The following HAUS3 variants were observed in gnomAD, a reference collection of about 807,000 sequenced individuals.
HAUS3 encodes HAUS augmin-like complex subunit 3.
Under a neutral mutation model 55.2 loss-of-function variants are expected in HAUS3, and 36 were observed. The observed-to-expected ratio is 0.65, with a 90% confidence interval of 0.50 to 0.86. HAUS3 has a LOEUF of 0.86. HAUS3 is among the 40% of genes least tolerant of loss of function. The pLI, the probability that HAUS3 is intolerant of heterozygous loss-of-function variation, is 0.00. For synonymous variants in HAUS3, 234 were observed against 238.6 expected, an observed-to-expected ratio of 0.98 and a Z score of 0.18; for missense variants, 752 against 671.5, an observed-to-expected ratio of 1.12 and a Z score of -1.33.
At position 2,240,135 on chromosome 4, in the gene HAUS3, CA is replaced by C. The variant is rs537016492; in HGVS notation, c.811del (p.Cys271ValfsTer6). 8.3e-4 allele frequency: 1,335 copies of C among 1,613,810 alleles called. No homozygotes were observed. The highest frequency in any genetic ancestry group is 1.1e-3 in the Non-Finnish European group (1,298 of 1,179,826). On this transcript the variant is annotated frameshift_variant, in exon 3 of 6. Transcript: ENST00000443786. LOFTEE classifies it high-confidence loss of function. Reference sequence around the variant, plus strand: ...TAAGTGAATTAACTGATGTTGAGCACAAATGTATGCGAGCTGCAGTCTAGCC... The same window carrying C: ...TAAGTGAATTAACTGATGTTGAGCACAATGTATGCGAGCTGCAGTCTAGCC... ...EMARLQLAYI[C>X]AQHQLIHLKA...
In HAUS3 at chr4:2,229,484, A is replaced by G. The variant is rs566054209; in HGVS notation, c.*2443T>C. ...AACTTATTTTCTAGGTGACCAATTT[A>G]GAAGCAATCTACTCAAATACATCCT... is the stretch of plus-strand genomic sequence containing the variant. On this transcript the variant is annotated 3_prime_UTR_variant, in exon 6 of 6. Coordinates refer to ENST00000443786, the MANE Select transcript of HAUS3 (RefSeq NM_001303143.2). 6.5e-4 allele frequency: 206 copies of G among 315,916 alleles called. 1 individual carries two copies. Among genetic ancestry groups the G allele is most frequent in the Middle Eastern group, 1.8e-3 (2 of 1,112 alleles). 19.6% of individuals were successfully genotyped at this position (315,916 alleles called of 1,614,324 possible). A position where few individuals can be genotyped will look rare whatever the true frequency, so the allele number is the denominator to read the frequency against.
In HAUS3 at chr4:2,236,372, C is replaced by G. The variant is rs559315835; in HGVS notation, c.1434G>C (p.Leu478Phe). The change falls in exon 5 of 6, where the codon TTG (leucine) becomes TTC (phenylalanine). Residue 478 changes from leucine to phenylalanine, a missense_variant. Leu to Phe is a conservative substitution (Grantham distance 22). Coordinates refer to ENST00000443786, the MANE Select transcript of HAUS3 (RefSeq NM_001303143.2). ...HGNLEEVAEK[L>F]KQNISLVQDQ... ...CTTGTACTAAAGAAATATTCTGTTT[C>G]AATTTCTCAGCCACTTCCTCAAGGT... is the stretch of plus-strand genomic sequence containing the variant. 1.3e-5 allele frequency: 21 copies of G among 1,613,166 alleles called. No individual in the cohort carries two copies. The highest frequency in any genetic ancestry group is 1.8e-5 in the Non-Finnish European group (21 of 1,179,336).
Position 2,236,250 on chromosome 4 carries a change from T to A in HAUS3, c.1556A>T (p.Asn519Ile), listed in dbSNP as rs1455357880. 1 of 1,611,654 alleles carries A rather than the reference T, an allele frequency of 6.2e-7. No homozygotes were observed. Among genetic ancestry groups the A allele is most frequent in the East Asian group, 2.2e-5 (1 of 44,830 alleles). Residue 519 changes from asparagine to isoleucine, a missense_variant, in exon 5 of 6, where the codon AAT becomes ATT. Physicochemically the swap from Asn to Ile is moderately radical, Grantham distance 149. Coordinates refer to ENST00000443786, the MANE Select transcript of HAUS3 (RefSeq NM_001303143.2). ...MLCDTLYQGGNQLLLSDQELT... is the reference protein window; with the variant it reads ...MLCDTLYQGGIQLLLSDQELT... ...CACCTGATCACTAAGCAAAAGCTGATTTCCTCCTTGATACAAAGTATCACA... is the reference window on the plus strand; with the variant it reads ...CACCTGATCACTAAGCAAAAGCTGAATTCCTCCTTGATACAAAGTATCACA...
At position 2,238,673 on chromosome 4, in the gene HAUS3, G is replaced by A; in HGVS notation, c.1280C>T (p.Thr427Ile). The part of the protein sequence containing the change: ...MMLYKQLEML[T>I]DPSVSQQINP... ...TATCTGTTGAGAAACTGATGGATCT[G>A]TTAACATTTCTAATTGCTTGTAGAG... The change falls in exon 4 of 6, where the codon ACA (threonine) becomes ATA (isoleucine). Residue 427 changes from threonine (T) to isoleucine (I), a missense_variant. Physicochemically the swap from Thr to Ile is moderately conservative, Grantham distance 89. Transcript: ENST00000443786. 1.2e-6 allele frequency: 2 copies of A among 1,613,142 alleles called. No homozygotes were observed. Among genetic ancestry groups the A allele is most frequent in the Non-Finnish European group, 1.7e-6 (2 of 1,179,278 alleles).
Position 2,241,560 on chromosome 4 carries a change from C to T in HAUS3, c.-188G>A. The T allele has an allele frequency of 1.0e-6, 1 of 985,872 alleles. No individual in the cohort carries two copies. Among genetic ancestry groups the T allele is most frequent in the Non-Finnish European group, 1.2e-6 (1 of 830,272 alleles). 61.1% of individuals were successfully genotyped at this position (985,872 alleles called of 1,614,324 possible). ...GGCAAGGCTCCACCTCCAGAGTCCACCACCGCGACGCGGAGAACAGCAGGA... is the reference window on the plus strand; with the variant it reads ...GGCAAGGCTCCACCTCCAGAGTCCATCACCGCGACGCGGAGAACAGCAGGA... On this transcript the variant is annotated 5_prime_UTR_variant, in exon 2 of 6. It adds an upstream start codon to the 5' untranslated region. Transcript: ENST00000443786.
At chr4:2,233,708 C>G (rs900810768) in intron 5 of HAUS3, among the ~76,000 whole-genome samples, 2 of 152,152 alleles carry the variant, frequency 1.3e-5, no homozygotes, top group Non-Finnish European at 2.9e-5. Context: ...AAATCTATGT[C>G]TACCTACATC....
At chr4:2,236,596 C>A (rs554705755) in intron 4 of HAUS3, 140 bp from the exon 5 acceptor site, 1 of 634,778 alleles carries the variant, frequency 1.6e-6, no homozygotes, top group Non-Finnish European at 2.7e-6. Flanking sequence ...CAGTAGCTCA[C>A]GCCTGTAATC....
At position 2,229,961 on chromosome 4, in the gene HAUS3, T is replaced by G. The variant is rs1219104249; in HGVS notation, c.*1966A>C. ...GCCTTGATCTGCCCTGCTGGCCCCC[T>G]GGGCTGAGCAAGTCAAGGTTTGGGT... On this transcript the variant is annotated 3_prime_UTR_variant, in exon 6 of 6. Transcript: ENST00000443786. The G allele has an allele frequency of 6.6e-6, 1 of 152,206 alleles. No homozygotes were observed. Among genetic ancestry groups the G allele is most frequent in the Non-Finnish European group, 1.5e-5 (1 of 68,102 alleles). The allele number at this position is 152,206 out of a possible 1,614,324, so 9.4% of individuals were successfully genotyped here. A position where few individuals can be genotyped will look rare whatever the true frequency, so the allele number is the denominator to read the frequency against.
intron 4 of HAUS3, among the ~76,000 whole-genome samples, chr4:2,237,425 G>T (rs548296212): frequency 6.6e-6 from 1 of 151,520 alleles, no homozygotes; most frequent in Admixed American, 6.6e-5. Flanking sequence ...AAGAGAGTGA[G>T]ACCTTGTCTT....
chr4:2,236,166 A>G, intron 5 of HAUS3, 62 bp downstream of exon 5: 1 of 951,350 alleles, frequency 1.1e-6, no homozygotes. Flanking sequence ...CATTTTCTTT[A>G]ATATCTTTTA....
In HAUS3 at chr4:2,230,688, C is replaced by G. The variant is rs1734549549; in HGVS notation, c.*1239G>C. 1 of 151,778 alleles carries G rather than the reference C, an allele frequency of 6.6e-6. No individual in the cohort carries two copies. Among genetic ancestry groups the G allele is most frequent in the Non-Finnish European group, 1.5e-5 (1 of 68,002 alleles). 9.4% of individuals were successfully genotyped at this position (151,778 alleles called of 1,614,324 possible). A position where few individuals can be genotyped will look rare whatever the true frequency, so the allele number is the denominator to read the frequency against. ...TTATAGCTAAAAAATTCCATAAAGA[C>G]CACCCAAAACATGTAGTTTTTAGAT... On this transcript the variant is annotated 3_prime_UTR_variant, in exon 6 of 6. Transcript: ENST00000443786.
chr4:2,241,052 A>G lies in HAUS3; in HGVS notation c.-106T>C, dbSNP rs1734968967. The G allele has an allele frequency of 2.5e-6, 2 of 784,592 alleles. No homozygotes were observed. The highest frequency in any genetic ancestry group is 2.5e-5 in the East Asian group (1 of 39,934). 48.6% of individuals were successfully genotyped at this position (784,592 alleles called of 1,614,324 possible). ...AAGCTACGTTTTATACCAAGTCCAC[A>G]GAGAAGGGAAAATATATTTTTAGAA... is the stretch of plus-strand genomic sequence containing the variant. On this transcript the variant is annotated 5_prime_UTR_variant, in exon 3 of 6. Coordinates refer to ENST00000443786, the MANE Select transcript of HAUS3 (RefSeq NM_001303143.2).
At chr4:2,239,910 C>A in intron 3 of HAUS3, 128 bp downstream of exon 3, 1 of 730,058 alleles carries the variant, frequency 1.4e-6, no homozygotes, top group South Asian at 1.7e-5. Context: ...CAAATAAGCA[C>A]TGAACAAAGA....
chr4:2,237,925 T>A (rs973923884), intron 4 of HAUS3, among the ~76,000 whole-genome samples: 1 of 152,174 alleles, frequency 6.6e-6, no homozygotes, highest in Non-Finnish European at 1.5e-5. Flanking sequence ...ATTCCAGGGG[T>A]ATCATTCACA....
rs773112353 is a variant in HAUS3 at position 2,240,776 on chromosome 4, T to G, written c.171A>C (p.Glu57Asp). ...TCTGAAGAATGCTAAAAGCTTCCAATTCTCTTTCAGACAACACGTTCTGTT... is the reference window on the plus strand; with the variant it reads ...TCTGAAGAATGCTAAAAGCTTCCAAGTCTCTTTCAGACAACACGTTCTGTT... ...VNEQNVLSER[E>D]LEAFSILQKS... Residue 57 changes from glutamate (E) to aspartate (D), a missense_variant, in exon 3 of 6, where the codon GAA (glutamate) becomes GAC (aspartate). Physicochemically the swap from Glu to Asp is conservative, Grantham distance 45. Coordinates refer to ENST00000443786, the MANE Select transcript of HAUS3 (RefSeq NM_001303143.2). The G allele has an allele frequency of 3.1e-6, 5 of 1,613,966 alleles. No homozygotes were observed. The East Asian group carries it at 1.1e-4, about 36-fold the overall frequency.
Position 2,239,028 on chromosome 4 carries a change from T to G in HAUS3, c.925A>C (p.Asn309His), listed in dbSNP as rs146796915. Residue 309 changes from asparagine to histidine, a missense_variant, in exon 4 of 6, where the codon AAT (asparagine) becomes CAT (histidine). Coordinates refer to ENST00000443786, the MANE Select transcript of HAUS3 (RefSeq NM_001303143.2). The stretch of plus-strand genomic sequence containing the variant: ...AAGCTAGAAATTTTAGCATCCAAAT[T>G]TTCTTTGTCCACAGCCTATACAAAG... ...SLTSKAVDKENLDAKISSLTS... is the reference protein window; with the variant it reads ...SLTSKAVDKEHLDAKISSLTS... 1.3e-6 allele frequency: 2 copies of G among 1,532,052 alleles called. No homozygotes were observed. The highest frequency in any genetic ancestry group is 2.8e-5 in the African/African-American group (2 of 72,004). 94.9% of individuals were successfully genotyped at this position (1,532,052 alleles called of 1,614,324 possible).
chr4:2,241,132 A>G, intron 2 of HAUS3, 39 bp from the exon 3 acceptor site: 1 of 516,068 alleles, frequency 1.9e-6, no homozygotes, highest in Non-Finnish European at 3.3e-6. Context: ...CACAAATATG[A>G]CGACAGTGTT....
In HAUS3 at chr4:2,237,478, AAG is replaced by A. The variant is rs1315226327; in HGVS notation, c.1350-1024_1350-1023del. ...AGGAAAGGAAGGGAAAGAAGAGAGAAAGAGAGAGAAAGGGAGAGGAAGGAAGG... is the reference window on the plus strand; with the variant it reads ...AGGAAAGGAAGGGAAAGAAGAGAGAAAGAGAGAAAGGGAGAGGAAGGAAGG... On this transcript the variant is annotated intron_variant, in intron 4 of 5. Coordinates refer to ENST00000443786, the MANE Select transcript of HAUS3 (RefSeq NM_001303143.2). 2.6e-5 allele frequency among the ~76,000 whole-genome samples: 4 copies of A among 151,672 alleles called. No homozygotes were observed. The East Asian group carries it at 7.7e-4, about 29-fold the overall frequency.
At position 2,240,786 on chromosome 4, in the gene HAUS3, GACAAC is replaced by G; in HGVS notation, c.156_160del (p.Leu53Ter). 2 of 1,613,846 alleles carry G rather than the reference GACAAC, an allele frequency of 1.2e-6. No individual in the cohort carries two copies. The highest frequency in any genetic ancestry group is 1.7e-6 in the Non-Finnish European group (2 of 1,179,980). ...GCTAAAAGCTTCCAATTCTCTTTCA[GACAAC>G]ACGTTCTGTTCATTCACATTCCCAC... On this transcript the variant is annotated frameshift_variant, in exon 3 of 6. Coordinates refer to ENST00000443786, the MANE Select transcript of HAUS3 (RefSeq NM_001303143.2). LOFTEE classifies it high-confidence loss of function.
Sources: allele counts gnomAD v4.1 joint callset (sites outside exome capture counted in the v4.1 genomes callset), GRCh38; gene constraint gnomAD v4.1.1; transcripts MANE v1.5; gene names NCBI Gene and HGNC (gene_info 2026-07-23, HGNC 2026-07-21).